The following CADM2 variants were observed in gnomAD, a reference collection of about 807,000 sequenced individuals.
The protein encoded by CADM2 is cell adhesion molecule 2.
A neutral mutation model predicts 49.8 loss-of-function variants in CADM2; 12 were observed. The ratio of observed to expected loss-of-function variants is 0.24; its 90% CI spans 0.15 to 0.39. CADM2 has a LOEUF of 0.39. Ranked by LOEUF, CADM2 falls within the 10% of genes least tolerant of loss-of-function variation. CADM2 has a pLI of 1.00. For missense variants in CADM2, 378 were observed against 492.3 expected (o/e 0.77, Z 2.20); for synonymous variants, 214 against 175.4 (o/e 1.22, Z -1.74).
chr3:85,547,397 G>T (rs139728824), intron 1 of CADM2, among the ~76,000 whole-genome samples: 1 of 152,104 alleles, frequency 6.6e-6, no homozygotes, highest in Non-Finnish European at 1.5e-5. Context: ...TAAATCAGAG[G>T]CTAAGCTGTA....
chr3:85,448,052 C>A (rs2037553256), intron 1 of CADM2, among the ~76,000 whole-genome samples: 1 of 152,066 alleles, frequency 6.6e-6, no homozygotes, highest in Non-Finnish European at 1.5e-5. Flanking sequence ...AGCAAATAGG[C>A]CGGCCGCTGT....
intron 1 of CADM2, among the ~76,000 whole-genome samples, chr3:85,478,008 A>T (rs972868640): frequency 6.6e-6 from 1 of 151,984 alleles, no homozygotes; most frequent in African/African-American, 2.4e-5. Context: ...ACTGAACCTT[A>T]ACATGAGTTT....
chr3:85,614,193 A>G (rs2107462032), intron 1 of CADM2, among the ~76,000 whole-genome samples: 1 of 141,780 alleles, frequency 7.1e-6, no homozygotes, highest in East Asian at 1.9e-4. Context: ...CAGGTCTAAA[A>G]GTGTGTGTTT....
intron 1 of CADM2, among the ~76,000 whole-genome samples, chr3:85,291,238 A>T (rs2043786381): frequency 6.6e-6 from 1 of 152,042 alleles, no homozygotes; most frequent in Non-Finnish European, 1.5e-5. Context: ...AGTTTAGAGA[A>T]AAAAGAATAA....
chr3:85,358,912 C>CTGTG (rs1412058286), intron 1 of CADM2, among the ~76,000 whole-genome samples: 1 of 152,162 alleles, frequency 6.6e-6, no homozygotes, highest in Non-Finnish European at 1.5e-5. Context: ...GTTGTGCTTA[C>CTGTG]TGTGACATTG....
At chr3:85,424,763 A>T (rs1201188549) in intron 1 of CADM2, among the ~76,000 whole-genome samples, 5 of 152,206 alleles carry the variant, frequency 3.3e-5, no homozygotes, top group African/African-American at 1.2e-4. Flanking sequence ...ATGATTTCTA[A>T]TGTTTAAAAA....
intron 1 of CADM2, among the ~76,000 whole-genome samples, chr3:85,693,910 A>C (rs1015605561): frequency 6.6e-6 from 1 of 151,178 alleles, no homozygotes; most frequent in African/African-American, 2.4e-5. Context: ...AAAAAAAAGA[A>C]AAAAGAAAAA....
At chr3:85,328,900 CAA>C (rs11459054) in intron 1 of CADM2, among the ~76,000 whole-genome samples, 20 of 137,248 alleles carry the variant, frequency 1.5e-4, no homozygotes, top group Non-Finnish European at 1.9e-4. Context: ...TGTCTTCCCT[CAA>C]AAAAAAAAAA....
rs548870051 is a variant in CADM2 at position 85,354,377 on chromosome 3, T to A, written c.62-372145T>A. Among the ~76,000 whole-genome samples the A allele has an allele frequency of 2.1e-5, 3 of 141,204 alleles. No homozygotes were observed. The Admixed American group carries it at 2.1e-4, about 10-fold the overall frequency. 92.6% of individuals were successfully genotyped at this position (141,204 alleles called of 152,430 possible). On this transcript the variant is annotated intron_variant, in intron 1 of 9. Coordinates refer to ENST00000383699, the MANE Select transcript of CADM2 (RefSeq NM_001167675.2). ...GTGGGGTGGGGGGAGGGGGGAGGGATAGCATTAAGAGATACACCTAATGCT... is the reference window on the plus strand; with the variant it reads ...GTGGGGTGGGGGGAGGGGGGAGGGAAAGCATTAAGAGATACACCTAATGCT...
intron 1 of CADM2, among the ~76,000 whole-genome samples, chr3:85,485,244 G>T (rs1464026314): frequency 6.6e-6 from 1 of 151,728 alleles, no homozygotes; most frequent in Non-Finnish European, 1.5e-5. Flanking sequence ...TCCTACATGT[G>T]ATGTATTTAA....
chr3:85,457,194 C>G (rs894324781), intron 1 of CADM2, among the ~76,000 whole-genome samples: 7 of 152,112 alleles, frequency 4.6e-5, no homozygotes, highest in Admixed American at 4.6e-4. Context: ...AGGTGGATCA[C>G]TTGACTCCAG....
chr3:85,289,004 T>C (rs969717520), intron 1 of CADM2, among the ~76,000 whole-genome samples: 7 of 152,178 alleles, frequency 4.6e-5, no homozygotes, highest in Non-Finnish European at 1.0e-4. Context: ...ATTTATCATT[T>C]CCTCCTATGT....
At chr3:85,167,767 G>T (rs897934964) in intron 1 of CADM2, among the ~76,000 whole-genome samples, 2 of 152,168 alleles carry the variant, frequency 1.3e-5, no homozygotes, top group African/African-American at 2.4e-5. Flanking sequence ...AGTAGCATAT[G>T]CTAATTGCAA....
At chr3:85,481,420 A>G (rs1307383657) in intron 1 of CADM2, among the ~76,000 whole-genome samples, 1 of 151,666 alleles carries the variant, frequency 6.6e-6, no homozygotes, top group Non-Finnish European at 1.5e-5. Context: ...CATGAATGCT[A>G]CAGAGTGAAT....
At chr3:85,422,479 G>A (rs934447078) in intron 1 of CADM2, among the ~76,000 whole-genome samples, 12 of 151,958 alleles carry the variant, frequency 7.9e-5, no homozygotes, top group Non-Finnish European at 1.2e-4. Context: ...GGGTTTCACT[G>A]TGTTAGCCAG....
intron 8 of CADM2, among the ~76,000 whole-genome samples, chr3:86,046,582 G>C (rs910734744): frequency 1.3e-5 from 2 of 152,004 alleles, no homozygotes; most frequent in African/African-American, 4.8e-5. Context: ...ATCCTATGAG[G>C]AACAGGGCAG....
intron 1 of CADM2, among the ~76,000 whole-genome samples, chr3:85,237,516 T>A (rs1283557148): frequency 6.6e-6 from 1 of 151,398 alleles, no homozygotes; most frequent in African/African-American, 2.4e-5. Context: ...AAGTTTTTTA[T>A]AATTATATAA....
chr3:85,933,791 TAAAG>T (rs1720880702), intron 6 of CADM2, among the ~76,000 whole-genome samples: 1 of 152,048 alleles, frequency 6.6e-6, no homozygotes, highest in Non-Finnish European at 1.5e-5. Flanking sequence ...CATTCTATTC[TAAAG>T]GCAGGAAAAA....
chr3:85,984,225 A>G (rs1038423444), intron 8 of CADM2, among the ~76,000 whole-genome samples: 13 of 150,690 alleles, frequency 8.6e-5, no homozygotes, highest in African/African-American at 3.2e-4. Flanking sequence ...TTACTTTTTT[A>G]GGTCATTGTG....
Sources: allele counts gnomAD v4.1 joint callset (sites outside exome capture counted in the v4.1 genomes callset), GRCh38; gene constraint gnomAD v4.1.1; transcripts MANE v1.5; gene names NCBI Gene and HGNC (gene_info 2026-07-23, HGNC 2026-07-21).